Variants in ABI2 observed in about 807,000 individuals in gnomAD.
ABI2 encodes the protein abl interactor 2.
ABI2 carries 25 observed loss-of-function variants against 59.2 expected under a neutral mutation model. The observed-to-expected ratio is 0.42, with a 90% CI of 0.31 to 0.59. ABI2 has a LOEUF of 0.59. Ranked by LOEUF, ABI2 falls within the 20% of genes least tolerant of loss-of-function variation. ABI2 has a pLI of 0.14. For missense variants in ABI2, 545 were observed against 681.8 expected (o/e 0.80, Z 2.23); for synonymous variants, 213 against 235.5 (o/e 0.90, Z 0.87).
intron 1 of ABI2, chr2:203,355,158 TC>T (rs1202191760): frequency 2.5e-6 from 1 of 394,368 alleles, no homozygotes; most frequent in Non-Finnish European, 5.4e-6. Flanking sequence ...TTCTAGGCTT[TC>T]CGTTTTGACA....
intron 8 of ABI2, among the ~76,000 whole-genome samples, chr2:203,399,182 G>T (rs376751476): frequency 2.0e-5 from 3 of 152,310 alleles, no homozygotes; most frequent in Admixed American, 6.5e-5. Context: ...TGAGTTTCCA[G>T]TTGCATCCTT....
intron 3 of ABI2, 118 bp downstream of exon 3, chr2:203,380,502 G>A: frequency 3.2e-6 from 2 of 617,402 alleles, no homozygotes; most frequent in South Asian, 4.2e-5. Context: ...TGGCCCAGTT[G>A]TGGTTGTGAA....
chr2:203,354,836 C>G (rs1028961784), intron 1 of ABI2, among the ~76,000 whole-genome samples: 4 of 152,138 alleles, frequency 2.6e-5, no homozygotes, highest in Admixed American at 6.5e-5. Context: ...GATATGCTAT[C>G]TTAGTATCTT....
intron 2 of ABI2, chr2:203,367,514 A>G (rs2094572854): frequency 6.6e-6 from 1 of 151,730 alleles, no homozygotes; most frequent in African/African-American, 2.4e-5. Context: ...ATAATTTAAA[A>G]AAAAGTGTAT....
chr2:203,420,825 C>T (rs1026720554), intron 11 of ABI2, among the ~76,000 whole-genome samples: 1 of 151,966 alleles, frequency 6.6e-6, no homozygotes, highest in Non-Finnish European at 1.5e-5. Context: ...GAGAACATGG[C>T]GTTCTTGGTG....
chr2:203,332,391 C>T (rs1439617509), intron 1 of ABI2, among the ~76,000 whole-genome samples: 1 of 151,976 alleles, frequency 6.6e-6, no homozygotes, highest in Non-Finnish European at 1.5e-5. Flanking sequence ...CTTTGGGAGG[C>T]CGAGGCAGGC....
chr2:203,413,075 G>A (rs1013888962), intron 10 of ABI2, among the ~76,000 whole-genome samples: 3 of 152,184 alleles, frequency 2.0e-5, no homozygotes, highest in Admixed American at 6.5e-5. Flanking sequence ...TGTGATGAGT[G>A]TACACCTTAG....
intron 1 of ABI2, among the ~76,000 whole-genome samples, chr2:203,341,737 C>T (rs1470074968): frequency 6.6e-6 from 1 of 152,084 alleles, no homozygotes; most frequent in Non-Finnish European, 1.5e-5. Context: ...ATTAGTTTTG[C>T]AAATTTGAAG....
intron 10 of ABI2, among the ~76,000 whole-genome samples, chr2:203,415,752 T>A (rs2097865083): frequency 6.6e-6 from 1 of 152,160 alleles, no homozygotes; most frequent in African/African-American, 2.4e-5. Flanking sequence ...GAATTAGTGC[T>A]GTTCATTAAA....
chr2:203,383,889 T>C (rs1406183021), intron 4 of ABI2, among the ~76,000 whole-genome samples: 1 of 152,210 alleles, frequency 6.6e-6, no homozygotes, highest in Non-Finnish European at 1.5e-5. Context: ...TCAGCACTTT[T>C]TGAGCTCTGT....
At chr2:203,391,267 T>C in intron 5 of ABI2, 124 bp downstream of exon 5, 2 of 627,318 alleles carry the variant, frequency 3.2e-6, no homozygotes, top group South Asian at 3.0e-5. Flanking sequence ...GATTGTTGTT[T>C]GTGTGTATAA....
intron 1 of ABI2, chr2:203,329,128 T>C (rs1295180595): frequency 1.3e-5 from 2 of 152,352 alleles, no homozygotes; most frequent in Admixed American, 1.3e-4. Context: ...AGAAACCCTT[T>C]CTTAATATTT....
At chr2:203,350,860 T>G (rs1363030686) in intron 1 of ABI2, among the ~76,000 whole-genome samples, 1 of 99,366 alleles carries the variant, frequency 1.0e-5, no homozygotes, top group African/African-American at 4.4e-5. Context: ...TTGTTGTGTG[T>G]TTTGTGTGTG....
intron 1 of ABI2, among the ~76,000 whole-genome samples, chr2:203,359,932 A>G (rs1345746476): frequency 6.6e-6 from 1 of 152,138 alleles, no homozygotes; most frequent in Non-Finnish European, 1.5e-5. Flanking sequence ...CATGCCTGTA[A>G]TCCCAGCAGT....
chr2:203,333,767 C>G (rs2075093712), intron 1 of ABI2, among the ~76,000 whole-genome samples: 1 of 152,154 alleles, frequency 6.6e-6, no homozygotes, highest in African/African-American at 2.4e-5. Context: ...TTGTACACTT[C>G]CTACACCTTC....
rs1431045873 is a variant in ABI2 at position 203,394,783 on chromosome 2, T to C, written c.662T>C (p.Met221Thr). The C allele has an allele frequency of 2.5e-6, 4 of 1,614,190 alleles. No homozygotes were observed. In the South Asian group the frequency reaches 4.4e-5, roughly 18 times the overall value. Reference protein sequence around the residue: ...NDYVPSPTRNMAPSQQSPVRT... With the variant: ...NDYVPSPTRNTAPSQQSPVRT... ...TACGTACCTAGCCCAACCCGTAATA[T>C]GGCTCCCTCGCAGCAGAGCCCTGTG... Residue 221 changes from methionine to threonine, a missense_variant, in exon 6 of 12, where the codon ATG becomes ACG. By Grantham distance (81) the Met-to-Thr change is moderately conservative. Transcript: ENST00000261018.
At position 203,427,185 on chromosome 2, in the gene ABI2, A is replaced by G. The variant is rs199664704; in HGVS notation, c.1462A>G (p.Ile488Val). 1.9e-6 allele frequency: 3 copies of G among 1,613,714 alleles called. No individual in the cohort carries two copies. Among genetic ancestry groups the G allele is most frequent in the East Asian group, 4.5e-5 (2 of 44,826 alleles). Residue 488 changes from isoleucine to valine, a missense_variant, in exon 12 of 12, where the codon ATT becomes GTT. This residue lies in a region of ABI2 where 44 missense variants were observed against 106.4 expected (regional missense o/e 0.41). Coordinates refer to ENST00000261018, the MANE Select transcript of ABI2 (RefSeq NM_001375670.1). The part of the protein sequence containing the change: ...PRSYLEKVVA[I>V]YDYTKDKEDE... ...GTTTTCTTCCCTCCTAGTTGTGGCAATTTATGACTATACAAAAGACAAGGA... is the reference window on the plus strand; with the variant it reads ...GTTTTCTTCCCTCCTAGTTGTGGCAGTTTATGACTATACAAAAGACAAGGA...
intron 8 of ABI2, among the ~76,000 whole-genome samples, chr2:203,399,397 G>T (rs924458183): frequency 1.3e-5 from 2 of 151,534 alleles, no homozygotes; most frequent in South Asian, 4.2e-4. Flanking sequence ...TTTTAATAGG[G>T]TTTTTTTCCT....
intron 4 of ABI2, among the ~76,000 whole-genome samples, chr2:203,385,319 G>A (rs1041562343): frequency 2.0e-5 from 3 of 150,668 alleles, no homozygotes; most frequent in Non-Finnish European, 4.4e-5. Context: ...TTTTAGTAGA[G>A]ACGGGGTTTC....
Sources: allele counts gnomAD v4.1 joint callset (sites outside exome capture counted in the v4.1 genomes callset), GRCh38; gene constraint gnomAD v4.1.1; regional missense constraint gnomAD v4.1.1; transcripts MANE v1.5; gene names NCBI Gene and HGNC (gene_info 2026-07-23, HGNC 2026-07-21).